The following NSD1 variants were observed in gnomAD, a reference collection of about 807,000 sequenced individuals.
The protein encoded by NSD1 is histone-lysine N-methyltransferase, H3 lysine-36 specific.
In NSD1, 26 loss-of-function variants were observed where a neutral mutation model predicts 242.7. The observed-to-expected ratio is 0.11, with a 90% CI of 0.08 to 0.15. The LOEUF is 0.15. Ranked by LOEUF, NSD1 falls within the 10% of genes least tolerant of loss-of-function variation. NSD1 has a pLI of 1.00. For synonymous variants in NSD1, 1,106 were observed against 1,178.1 expected, an observed-to-expected ratio of 0.94 and a Z score of 1.25; for missense variants, 2,495 against 3,272.8, an observed-to-expected ratio of 0.76 and a Z score of 5.80.
intron 2 of NSD1, among the ~76,000 whole-genome samples, chr5:177,138,787 G>A (rs1415846361): frequency 6.6e-6 from 1 of 151,210 alleles, no homozygotes; most frequent in African/African-American, 2.4e-5. Flanking sequence ...TTACAGGTGC[G>A]CACCACCACC....
chr5:177,138,225 C>T (rs1396341302), intron 2 of NSD1, among the ~76,000 whole-genome samples: 1 of 151,866 alleles, frequency 6.6e-6, no homozygotes, highest in African/African-American at 2.4e-5. Flanking sequence ...TGAAATTGCT[C>T]AAAGACTTTA....
At position 177,295,634 on chromosome 5, in the gene NSD1, GC is replaced by G; in HGVS notation, c.*176del. 1.4e-6 allele frequency: 1 copy of G among 733,532 alleles called. No individual in the cohort carries two copies. Among genetic ancestry groups the G allele is most frequent in the Non-Finnish European group, 2.3e-6 (1 of 429,290 alleles). The allele number at this position is 733,532 out of a possible 1,614,324, so 45.4% of individuals were successfully genotyped here. On this transcript the variant is annotated 3_prime_UTR_variant, in exon 23 of 23. Coordinates refer to ENST00000439151, the MANE Select transcript of NSD1 (RefSeq NM_022455.5). This position sits in a 1 kb window ranked among gnomAD's most constrained non-coding sequence, Gnocchi z 4.3. ...ACTCTTGTGACATTAGCCAGTGGGG[GC>G]TTATGGTTGTGTGAACCATGTATGA...
At chr5:177,199,070 T>C (rs939773396) in intron 3 of NSD1, among the ~76,000 whole-genome samples, 6 of 152,212 alleles carry the variant, frequency 3.9e-5, no homozygotes, top group African/African-American at 1.4e-4. Context: ...TAAATAGAAA[T>C]GGTACTTCAA....
intron 22 of NSD1, 49 bp from the exon 23 acceptor site, chr5:177,293,783 A>T: frequency 1.2e-6 from 2 of 1,600,780 alleles, no homozygotes. Context: ...GGCCCATGTG[A>T]TATGTATCTC....
At chr5:177,150,563 C>T (rs1003902628) in intron 2 of NSD1, among the ~76,000 whole-genome samples, 3 of 152,176 alleles carry the variant, frequency 2.0e-5, no homozygotes, top group South Asian at 4.1e-4. Context: ...ATTAATACTT[C>T]TAAAGTTCCT....
chr5:177,146,911 G>A (rs1007333385), intron 2 of NSD1, among the ~76,000 whole-genome samples: 1 of 151,882 alleles, frequency 6.6e-6, no homozygotes, highest in African/African-American at 2.4e-5. Flanking sequence ...GGAGGCTGAG[G>A]TTGGAGAATC....
intron 2 of NSD1, among the ~76,000 whole-genome samples, chr5:177,187,547 G>A (rs763179820): frequency 6.6e-6 from 1 of 152,138 alleles, no homozygotes; most frequent in Non-Finnish European, 1.5e-5. Flanking sequence ...CAAACTAGCT[G>A]GCTTAAACAG....
chr5:177,273,312 TAAAAAAAAAA>T (rs11452158), intron 16 of NSD1, among the ~76,000 whole-genome samples: 1 of 90,918 alleles, frequency 1.1e-5, no homozygotes, highest in Non-Finnish European at 2.1e-5. Flanking sequence ...ACTGATGAGC[TAAAAAAAAAA>T]AAAAAAAAAA....
chr5:177,185,127 G>T (rs1014035045), intron 2 of NSD1, among the ~76,000 whole-genome samples: 2 of 151,876 alleles, frequency 1.3e-5, no homozygotes, highest in East Asian at 1.9e-4. Context: ...ACTTCCCCTC[G>T]TCTTTACCTC....
chr5:177,256,850 G>A (rs545466553), intron 12 of NSD1, 101 bp from the exon 13 acceptor site: 26 of 938,660 alleles, frequency 2.8e-5, no homozygotes, highest in Non-Finnish European at 3.6e-5. Flanking sequence ...ATGTCAAACC[G>A]ATCAGTCCAT....
chr5:177,141,319 CTTTTTTTTTTTTTT>C (rs567992731), intron 2 of NSD1, among the ~76,000 whole-genome samples: 7 of 97,034 alleles, frequency 7.2e-5, no homozygotes, highest in South Asian at 6.3e-4. Flanking sequence ...CGCGCGCAGC[CTTTTTTTTTTTTTT>C]TTTTTTTTTT....
intron 14 of NSD1, among the ~76,000 whole-genome samples, chr5:177,267,357 G>GAGCT (rs1332391638): frequency 1.3e-5 from 2 of 152,200 alleles, no homozygotes; most frequent in African/African-American, 4.8e-5. Context: ...TGTGGTCCTA[G>GAGCT]AGCTAGAATT....
At chr5:177,141,317 GC>G (rs1756795144) in intron 2 of NSD1, among the ~76,000 whole-genome samples, 1 of 124,154 alleles carries the variant, frequency 8.1e-6, no homozygotes, top group Non-Finnish European at 1.6e-5. Context: ...ACCGCGCGCA[GC>G]CTTTTTTTTT....
chr5:177,196,623 C>T (rs1762120213), intron 3 of NSD1, among the ~76,000 whole-genome samples: 1 of 152,106 alleles, frequency 6.6e-6, no homozygotes, highest in African/African-American at 2.4e-5. Context: ...AACACCAGAG[C>T]ATCTATAACT....
In NSD1 at chr5:177,135,889, C is replaced by T. The variant is rs370328602; in HGVS notation, c.786C>T (p.Asp262=). Residue 262 remains aspartate (D), a synonymous_variant, in exon 2 of 23, where the codon GAC becomes GAT. Coordinates refer to ENST00000439151, the MANE Select transcript of NSD1 (RefSeq NM_022455.5). ...TCCCAGCCCCCTTTTCACTAGGAGA[C>T]ACAAACATTACAATAGAAGAGCAAT... is the stretch of plus-strand genomic sequence containing the variant. ...ALLPAPFSLG[D]TNITIEEQLN... The T allele has an allele frequency of 1.6e-5, 26 of 1,609,608 alleles. No individual in the cohort carries two copies. The African/African-American group carries it at 3.2e-4, about 20-fold the overall frequency.
At chr5:177,201,192 A>G (rs1198504456) in intron 3 of NSD1, among the ~76,000 whole-genome samples, 2 of 151,706 alleles carry the variant, frequency 1.3e-5, no homozygotes, top group Admixed American at 1.3e-4. Context: ...CAACCTAAGC[A>G]TCTGTGTCTT....
chr5:177,288,576 A>G (rs913119802), intron 20 of NSD1: 3 of 442,218 alleles, frequency 6.8e-6, no homozygotes, highest in Non-Finnish European at 1.2e-5. Flanking sequence ...ACTTGAGGTA[A>G]TTAACACCTC....
At chr5:177,158,664 A>C (rs1758409245) in intron 2 of NSD1, among the ~76,000 whole-genome samples, 1 of 151,534 alleles carries the variant, frequency 6.6e-6, no homozygotes, top group Admixed American at 6.6e-5. Flanking sequence ...TAATATTCTC[A>C]TCAACATTTA....
rs2149757044 is a variant in NSD1, at chr5:177,135,960, C to G, written c.857C>G (p.Thr286Ser). The G allele has an allele frequency of 6.2e-7, 1 of 1,613,964 alleles. No homozygotes were observed. The highest frequency in any genetic ancestry group is 8.5e-7 in the Non-Finnish European group (1 of 1,179,942). The stretch of plus-strand genomic sequence containing the variant: ...TTTCAGGATGATCCAGATTCCAGTA[C>G]CAGTACATTAGGAAACATGCTAGAA... Reference protein sequence around the residue: ...LSFQDDPDSSTSTLGNMLELP... With the variant: ...LSFQDDPDSSSSTLGNMLELP... The change falls in exon 2 of 23, where the codon ACC becomes AGC. Residue 286 changes from threonine to serine, a missense_variant. Transcript: ENST00000439151.
Sources: gnomAD v4.1 joint callset for allele counts (sites outside exome capture counted in the v4.1 genomes callset) on GRCh38, gnomAD v4.1.1 for gene constraint, Gnocchi (gnomAD v3.1) non-coding constraint, MANE v1.5 for transcripts, NCBI Gene and HGNC (gene_info 2026-07-23, HGNC 2026-07-21) for gene names.